Variants in OXR1 observed in about 807,000 individuals in gnomAD.
OXR1 encodes the protein oxidation resistance 1.
In OXR1, 41 loss-of-function variants were observed where a neutral mutation model predicts 104.6. The observed-to-expected ratio is 0.39, with a 90% CI of 0.31 to 0.51. OXR1 has a LOEUF of 0.51. Among genes scored for constraint, OXR1 ranks in the 20% least tolerant of loss-of-function variants. The pLI is 0.77. For missense variants in OXR1, 955 were observed against 1,031.9 expected (o/e 0.93, Z 1.02); for synonymous variants, 348 against 348.4 (o/e 1.00, Z 0.01).
At chr8:106,540,676 GT>G (rs2130322305) in intron 3 of OXR1, among the ~76,000 whole-genome samples, 1 of 152,310 alleles carries the variant, frequency 6.6e-6, no homozygotes, top group East Asian at 1.9e-4. Flanking sequence ...AAGGAAAGAA[GT>G]TTAATGGAGA....
intron 1 of OXR1, among the ~76,000 whole-genome samples, chr8:106,288,012 C>T (rs1394561048): frequency 2.6e-5 from 4 of 152,186 alleles, no homozygotes; most frequent in Admixed American, 2.6e-4. Flanking sequence ...GATCTGTCTG[C>T]AAGTTCTTCT....
intron 2 of OXR1, among the ~76,000 whole-genome samples, chr8:106,450,109 G>A (rs1369436442): frequency 6.6e-6 from 1 of 152,144 alleles, no homozygotes; most frequent in South Asian, 2.1e-4. Flanking sequence ...TGCAATGATG[G>A]ATGTTCAGAT....
intron 1 of OXR1, among the ~76,000 whole-genome samples, chr8:106,352,766 A>T (rs1366512700): frequency 6.6e-6 from 1 of 152,212 alleles, no homozygotes; most frequent in African/African-American, 2.4e-5. Context: ...CTGCCATTTT[A>T]TCAAAGCCAA....
At chr8:106,366,878 A>T (rs1229707393) in intron 2 of OXR1, among the ~76,000 whole-genome samples, 1 of 148,946 alleles carries the variant, frequency 6.7e-6, no homozygotes, top group Non-Finnish European at 1.5e-5. Context: ...TGAGGAAGAG[A>T]AAAAAAAAAG....
chr8:106,662,711 G>A (rs1400795494), intron 3 of OXR1, among the ~76,000 whole-genome samples: 1 of 152,118 alleles, frequency 6.6e-6, no homozygotes, highest in Non-Finnish European at 1.5e-5. Context: ...TTATAACTGT[G>A]TTGGTTATTG....
chr8:106,745,794 TA>T lies in OXR1; in HGVS notation c.2420del (p.Lys807SerfsTer17). Reference protein sequence around the residue: ...FTFCPEFEVFKWTGDNMFFIK... With the variant: ...FTFCPEFEVFXWTGDNMFFIK... ...CTTTTTTTAAATTTATATAGGTCTT[TA>T]AGTGGACAGGAGATAATATGTTTTT... On this transcript the variant is annotated frameshift_variant, in exon 16 of 17. Coordinates refer to ENST00000517566, the MANE Select transcript of OXR1 (RefSeq NM_001198533.2). LOFTEE classifies it high-confidence loss of function. 1 of 1,524,378 alleles carries T rather than the reference TA, an allele frequency of 6.6e-7. No homozygotes were observed. Among genetic ancestry groups the T allele is most frequent in the Non-Finnish European group, 9.1e-7 (1 of 1,102,270 alleles). 94.4% of individuals were successfully genotyped at this position (1,524,378 alleles called of 1,614,324 possible).
At chr8:106,646,098 C>A (rs1412823786) in intron 3 of OXR1, among the ~76,000 whole-genome samples, 1 of 151,842 alleles carries the variant, frequency 6.6e-6, no homozygotes, top group Admixed American at 6.6e-5. Flanking sequence ...TCTTTTTTCT[C>A]TATTATCTTT....
At chr8:106,678,889 G>T (rs1827863381) in intron 3 of OXR1, among the ~76,000 whole-genome samples, 1 of 152,006 alleles carries the variant, frequency 6.6e-6, no homozygotes, top group Admixed American at 6.6e-5. Context: ...ATCTTAAAAT[G>T]TGTTGGTATT....
intron 1 of OXR1, among the ~76,000 whole-genome samples, 159 bp downstream of exon 1, chr8:106,270,526 G>C (rs1255221269): frequency 6.6e-6 from 1 of 152,226 alleles, no homozygotes; most frequent in Non-Finnish European, 1.5e-5. Context: ...TTGAAAGCGG[G>C]TGGCCATTGG....
intron 7 of OXR1, among the ~76,000 whole-genome samples, chr8:106,697,028 C>T (rs1830103323): frequency 6.6e-6 from 1 of 152,160 alleles, no homozygotes; most frequent in Non-Finnish European, 1.5e-5. Context: ...AAGGCCAGTC[C>T]AGCATCAGAA....
chr8:106,707,478 A>C, intron 9 of OXR1: 1 of 460,294 alleles, frequency 2.2e-6, no homozygotes, highest in Non-Finnish European at 3.8e-6. Context: ...TCTCTTAAAA[A>C]GTTTTTGGTG....
intron 1 of OXR1, among the ~76,000 whole-genome samples, chr8:106,301,959 G>A (rs1490541209): frequency 3.3e-5 from 5 of 152,068 alleles, no homozygotes; most frequent in African/African-American, 9.7e-5. Context: ...AAAGTATCAC[G>A]AGTGAGAATT....
chr8:106,653,748 A>G (rs1824821827), intron 3 of OXR1, among the ~76,000 whole-genome samples: 1 of 152,026 alleles, frequency 6.6e-6, no homozygotes, highest in Non-Finnish European at 1.5e-5. Flanking sequence ...AACCAGGGCA[A>G]TTAGGCAAGA....
chr8:106,488,736 T>A (rs10094288), intron 2 of OXR1, among the ~76,000 whole-genome samples: 97,509 of 123,704 alleles, frequency 0.79, 38,473 homozygotes, highest in Admixed American at 0.84. Flanking sequence ...ATAGTTGTAG[T>A]TATGTGGCAT....
chr8:106,442,147 C>CT (rs1819812172), intron 2 of OXR1, among the ~76,000 whole-genome samples: 1 of 152,062 alleles, frequency 6.6e-6, no homozygotes, highest in Non-Finnish European at 1.5e-5. Context: ...TTATCGAAGC[C>CT]TTTTTCTGCA....
intron 3 of OXR1, among the ~76,000 whole-genome samples, chr8:106,520,810 T>G (rs1483471722): frequency 6.6e-6 from 1 of 152,186 alleles, no homozygotes. Flanking sequence ...CAATTAGTAT[T>G]TTTTCCTTCA....
At chr8:106,614,114 C>T (rs979487134) in intron 3 of OXR1, among the ~76,000 whole-genome samples, 2 of 152,190 alleles carry the variant, frequency 1.3e-5, no homozygotes, top group African/African-American at 4.8e-5. Context: ...TACCTGCCAA[C>T]AATTCACATC....
At chr8:106,414,954 C>T (rs1013261362) in intron 2 of OXR1, among the ~76,000 whole-genome samples, 5 of 152,020 alleles carry the variant, frequency 3.3e-5, no homozygotes, top group Non-Finnish European at 5.9e-5. Flanking sequence ...AACCTTAGGC[C>T]AACTGCTGAG....
chr8:106,695,058 A>G (rs1455582680), intron 7 of OXR1, among the ~76,000 whole-genome samples: 1 of 148,928 alleles, frequency 6.7e-6, no homozygotes, highest in Non-Finnish European at 1.5e-5. Context: ...ACACCTTACA[A>G]CAGTATACTT....
Sources: allele counts gnomAD v4.1 joint callset (sites outside exome capture counted in the v4.1 genomes callset), GRCh38; gene constraint gnomAD v4.1.1; transcripts MANE v1.5; gene names NCBI Gene and HGNC (gene_info 2026-07-23, HGNC 2026-07-21).